CTNNA2: variants seen among roughly 807,000 people sequenced by gnomAD.
CTNNA2 encodes the protein catenin alpha-2.
A neutral mutation model predicts 101.0 loss-of-function variants in CTNNA2; 42 were observed. The ratio of observed to expected loss-of-function variants is 0.42; its 90% confidence interval spans 0.32 to 0.54. CTNNA2 has a LOEUF of 0.54. Among genes scored for constraint, CTNNA2 ranks in the 20% least tolerant of loss-of-function variants. The pLI is 0.14. For missense variants in CTNNA2, 871 were observed against 1,223.1 expected (o/e 0.71, Z 4.29); for synonymous variants, 450 against 456.4 (o/e 0.99, Z 0.18).
chr2:80,631,322 A>G (rs774545835), intron 18 of CTNNA2, among the ~76,000 whole-genome samples: 4 of 149,396 alleles, frequency 2.7e-5, no homozygotes, highest in Admixed American at 6.7e-5. Flanking sequence ...AAGTTTTCCA[A>G]TTGCATGAAC....
At chr2:79,220,953 A>G (rs1674337010) in intron 2 of CTNNA2, among the ~76,000 whole-genome samples, 1 of 152,216 alleles carries the variant, frequency 6.6e-6, no homozygotes, top group Non-Finnish European at 1.5e-5. Context: ...AGCAATAAAC[A>G]TTGAGATTGA....
intron 7 of CTNNA2, among the ~76,000 whole-genome samples, chr2:80,158,949 T>C (rs980156357): frequency 6.6e-6 from 1 of 151,758 alleles, no homozygotes; most frequent in South Asian, 2.1e-4. Context: ...AATGGAACCA[T>C]ACAGTCCGTG....
In CTNNA2 at chr2:80,122,224, C is replaced by T. The variant is rs192686130; in HGVS notation, c.1056+212427C>T. ...GTCCTGTTTCTCCCTATTTCTTTGT[C>T]TCTGCCTCTTTCTCTATCTCTCTTC... On this transcript the variant is annotated intron_variant, in intron 7 of 18. Transcript: ENST00000402739. Among the ~76,000 whole-genome samples, 61 of 151,224 alleles carry T rather than the reference C, an allele frequency of 4.0e-4. No individual in the cohort carries two copies. The East Asian group carries it at 5.5e-3, about 14-fold the overall frequency.
At chr2:79,821,512 T>C (rs1157470062) in intron 3 of CTNNA2, among the ~76,000 whole-genome samples, 2 of 152,212 alleles carry the variant, frequency 1.3e-5, no homozygotes, top group Non-Finnish European at 2.9e-5. Flanking sequence ...TCGGCCTAAT[T>C]GTTTTTAGAT....
intron 7 of CTNNA2, among the ~76,000 whole-genome samples, chr2:80,043,630 T>A (rs1166884374): frequency 1.3e-5 from 2 of 152,176 alleles, no homozygotes; most frequent in Non-Finnish European, 2.9e-5. Flanking sequence ...CACAATACCC[T>A]TAGAAGGTTC....
At chr2:80,473,726 A>G (rs1404141988) in intron 9 of CTNNA2, among the ~76,000 whole-genome samples, 1 of 152,172 alleles carries the variant, frequency 6.6e-6, no homozygotes, top group Non-Finnish European at 1.5e-5. Flanking sequence ...TCTTACGATC[A>G]TGGGTGCTTG....
At chr2:79,393,576 C>T (rs1470381888) in intron 4 of CTNNA2, among the ~76,000 whole-genome samples, 2 of 129,416 alleles carry the variant, frequency 1.5e-5, no homozygotes, top group Non-Finnish European at 3.1e-5. Flanking sequence ...CTCCTCCAGA[C>T]ATATAAAATA....
chr2:80,308,020 A>G (rs1677191207), intron 7 of CTNNA2, among the ~76,000 whole-genome samples: 1 of 152,236 alleles, frequency 6.6e-6, no homozygotes, highest in Non-Finnish European at 1.5e-5. Flanking sequence ...TAGAGAGGCC[A>G]GAAGTATAGC....
chr2:80,512,059 A>T (rs1573085801), intron 9 of CTNNA2, among the ~76,000 whole-genome samples: 1 of 148,884 alleles, frequency 6.7e-6, no homozygotes, highest in African/African-American at 2.5e-5. Context: ...CTGTGGCAGG[A>T]GAATCGCTTG....
chr2:79,678,839 T>A (rs1683368576), intron 2 of CTNNA2, among the ~76,000 whole-genome samples: 1 of 152,194 alleles, frequency 6.6e-6, no homozygotes, highest in Non-Finnish European at 1.5e-5. Flanking sequence ...CCTTTGGGCA[T>A]TCTTGAAAAT....
chr2:80,295,379 G>C (rs775412492), intron 7 of CTNNA2, among the ~76,000 whole-genome samples: 1 of 152,062 alleles, frequency 6.6e-6, no homozygotes, highest in Non-Finnish European at 1.5e-5. Flanking sequence ...ACATGCCTGA[G>C]CTTTCTCATC....
intron 3 of CTNNA2, among the ~76,000 whole-genome samples, chr2:79,827,057 G>A (rs11689616): frequency 0.036 from 5,488 of 151,644 alleles, 141 homozygotes; most frequent in Middle Eastern, 0.079. Context: ...TTTGTTTTTT[G>A]AGGCAAAGTC....
chr2:79,366,660 G>C (rs1677757471), intron 3 of CTNNA2, among the ~76,000 whole-genome samples: 1 of 152,158 alleles, frequency 6.6e-6, no homozygotes, highest in Admixed American at 6.5e-5. Context: ...TATCATAAGA[G>C]AGTTATCAGA....
upstream of CTNNA2, among the ~76,000 whole-genome samples, chr2:79,511,343 C>T (rs969844903): frequency 6.6e-6 from 1 of 152,202 alleles, no homozygotes; most frequent in Non-Finnish European, 1.5e-5. Flanking sequence ...AGGCCTACCT[C>T]CTTCCTACCT....
intron 6 of CTNNA2, among the ~76,000 whole-genome samples, chr2:79,892,980 C>A (rs1030115385): frequency 3.9e-5 from 6 of 152,060 alleles, no homozygotes; most frequent in Admixed American, 1.3e-4. Context: ...GCACTATACC[C>A]GTCCCTGATT....
Position 80,607,932 on chromosome 2 carries a change from A to C in CTNNA2, c.2296-252A>C, listed in dbSNP as rs144848018. On this transcript the variant is annotated intron_variant, in intron 16 of 18. Coordinates refer to ENST00000402739, the MANE Select transcript of CTNNA2 (RefSeq NM_001282597.3). ...ACAGCAGGTAAAAATACTCATAAAC[A>C]TGTATAGAAGTCCCAATAAAACTTT... 5.9e-5 allele frequency among the ~76,000 whole-genome samples: 9 copies of C among 152,014 alleles called. No individual in the cohort carries two copies. The East Asian group carries it at 1.8e-3, about 30-fold the overall frequency.
intron 6 of CTNNA2, among the ~76,000 whole-genome samples, chr2:79,894,382 C>A (rs1246175308): frequency 1.3e-5 from 2 of 151,608 alleles, no homozygotes; most frequent in African/African-American, 4.9e-5. Flanking sequence ...GTAAGCCCAG[C>A]CTTTCTAAAA....
At chr2:80,132,093 A>G (rs1702448867) in intron 7 of CTNNA2, among the ~76,000 whole-genome samples, 1 of 152,100 alleles carries the variant, frequency 6.6e-6, no homozygotes, top group Non-Finnish European at 1.5e-5. Context: ...AAAAACATGT[A>G]TATATAAATA....
intron 2 of CTNNA2, among the ~76,000 whole-genome samples, chr2:79,222,377 G>C (rs1674356668): frequency 6.6e-6 from 1 of 152,166 alleles, no homozygotes; most frequent in African/African-American, 2.4e-5. Context: ...GCAGGAATCT[G>C]GTTCAGACAG....
Sources: allele counts gnomAD v4.1 joint callset (sites outside exome capture counted in the v4.1 genomes callset), GRCh38; gene constraint gnomAD v4.1.1; transcripts MANE v1.5; gene names NCBI Gene and HGNC (gene_info 2026-07-23, HGNC 2026-07-21).